Variants in TAC3 observed in about 807,000 individuals in gnomAD.
The protein encoded by TAC3 is tachykinin precursor 3, also known as tachykinin-3.
In TAC3, 9 loss-of-function variants were observed where a neutral mutation model predicts 16.5. The observed-to-expected ratio is 0.55, with a 90% CI of 0.33 to 0.95. The LOEUF (loss-of-function observed/expected upper bound fraction) is 0.95. TAC3 is among the 40% of genes least tolerant of loss of function. The probability of loss-of-function intolerance (pLI) is 0.03; values close to 1 mark genes in which losing one functional copy is unlikely to be tolerated. For synonymous variants in TAC3, 52 were observed against 56.7 expected, an observed-to-expected ratio of 0.92 and a Z score of 0.37; for missense variants, 129 against 149.1, an observed-to-expected ratio of 0.87 and a Z score of 0.70.
At position 57,013,581 on chromosome 12, in the gene TAC3, T is replaced by C; in HGVS notation, c.205A>G (p.Thr69Ala). The C allele has an allele frequency of 6.2e-7, 1 of 1,613,300 alleles. No individual in the cohort carries two copies. Residue 69 changes from threonine to alanine, a missense_variant, in exon 3 of 7, where the codon ACA (threonine) becomes GCA (alanine). Transcript: ENST00000458521. ...GLLKALSQAS[T>A]DPKESTSPEK... ...CTCCCCTAGGGCCGCCTCCTACCTG[T>C]GCTAGCCTGGCTCAGGGCTTTGAGC...
At chr12:57,015,621 G>C (rs1334051586) in intron 2 of TAC3, 63 bp downstream of exon 2, 1 of 1,477,072 alleles carries the variant, frequency 6.8e-7, no homozygotes, top group African/African-American at 1.4e-5. Context: ...CACTACAGCT[G>C]TCCAGACAGG....
At chr12:57,010,556 T>C (rs762228379) in intron 6 of TAC3, among the ~76,000 whole-genome samples, 2 of 152,144 alleles carry the variant, frequency 1.3e-5, no homozygotes, top group Non-Finnish European at 2.9e-5. Context: ...GTGGGGCCCA[T>C]GTGGACCAAA....
At position 57,013,387 on chromosome 12, in the gene TAC3, A is replaced by G; in HGVS notation, c.210T>C (p.Asp70=). The G allele has an allele frequency of 6.2e-7, 1 of 1,614,056 alleles. No homozygotes were observed. Among genetic ancestry groups the G allele is most frequent in the Non-Finnish European group, 8.5e-7 (1 of 1,179,958 alleles). ...TCTCGGGAGATGTTGATTCCTTAGG[A>G]TCTGTGAAACCAAGAACAGATGTCT... ...LLKALSQAST[D]PKESTSPEKR... is the part of the protein sequence containing the mutation. The change falls in exon 4 of 7, where the codon GAT becomes GAC. Residue 70 remains aspartate (D), a splice_region_variant and synonymous_variant. Coordinates refer to ENST00000458521, the MANE Select transcript of TAC3 (RefSeq NM_013251.4).
At chr12:57,016,279 TC>T (rs1956373382) in intron 1 of TAC3, 107 bp downstream of exon 1, 1 of 357,438 alleles carries the variant, frequency 2.8e-6, no homozygotes, top group African/African-American at 2.1e-5. Context: ...ACCTTCCCAG[TC>T]CCCTGCTCCC....
intron 6 of TAC3, chr12:57,010,679 T>C (rs1248382501): frequency 6.4e-6 from 1 of 156,642 alleles, no homozygotes; most frequent in Non-Finnish European, 1.4e-5. Context: ...CAGTTCCTCC[T>C]CTTCCCAGAA....
Position 57,012,447 on chromosome 12 carries a change from G to A in TAC3, c.298C>T (p.Pro100Ser), listed in dbSNP as rs771455996. The A allele has an allele frequency of 1.2e-6, 2 of 1,614,094 alleles. No individual in the cohort carries two copies. The highest frequency in any genetic ancestry group is 1.7e-6 in the Non-Finnish European group (2 of 1,180,014). ...ACGTTCTCTTGATTCACATCCGTAG[G>A]AGAGTCTAGGGTAAAGCGAACAGTG... ...MGKRSVQPDS[P>S]TDVNQENVPS... is the part of the protein sequence containing the mutation. The change falls in exon 6 of 7, where the codon CCT (proline) becomes TCT (serine). Residue 100 changes from proline to serine, a missense_variant. By Grantham distance (74) the Pro-to-Ser change is moderately conservative. Transcript: ENST00000458521.
In TAC3 at chr12:57,010,032, T is replaced by C; in HGVS notation, c.*258A>G. The C allele has an allele frequency of 2.3e-6, 1 of 440,798 alleles. No homozygotes were observed. The highest frequency in any genetic ancestry group is 1.6e-5 in the South Asian group (1 of 63,084). 27.3% of individuals were successfully genotyped at this position (440,798 alleles called of 1,614,324 possible). A position where few individuals can be genotyped will look rare whatever the true frequency, so the allele number is the denominator to read the frequency against. The stretch of plus-strand genomic sequence containing the variant: ...GCAAAAATCCTTTATTGTTGAGGAA[T>C]AGAGAGAGACATTATATTTTTAATG... On this transcript the variant is annotated 3_prime_UTR_variant, in exon 7 of 7. Transcript: ENST00000458521.
chr12:57,010,240 C>T lies in TAC3; in HGVS notation c.*50G>A, dbSNP rs1435537188. The T allele has an allele frequency of 2.2e-6, 1 of 453,738 alleles. No individual in the cohort carries two copies. Among genetic ancestry groups the T allele is most frequent in the East Asian group, 7.0e-5 (1 of 14,384 alleles). The allele number at this position is 453,738 out of a possible 1,614,324, so 28.1% of individuals were successfully genotyped here. On this transcript the variant is annotated 3_prime_UTR_variant, in exon 7 of 7. Transcript: ENST00000458521. The stretch of plus-strand genomic sequence containing the variant: ...GAGCGTGCGCACCTGGGGATTGGGA[C>T]AGGGAAAGAGGTCTTCCTAATGCAG...
chr12:57,013,381 C>T lies in TAC3; in HGVS notation c.216G>A (p.Lys72=), dbSNP rs753875088. The T allele has an allele frequency of 6.2e-7, 1 of 1,614,078 alleles. No homozygotes were observed. The highest frequency in any genetic ancestry group is 2.2e-5 in the East Asian group (1 of 44,884). ...TACGTTTCTCGGGAGATGTTGATTC[C>T]TTAGGATCTGTGAAACCAAGAACAG... ...KALSQASTDP[K]ESTSPEKRDM... is the part of the protein sequence containing the mutation. The change falls in exon 4 of 7, where the codon AAG becomes AAA. Residue 72 remains lysine, a synonymous_variant. Transcript: ENST00000458521.
chr12:57,013,737 C>A lies in TAC3; in HGVS notation c.115-66G>T, dbSNP rs533736069. The A allele has an allele frequency of 8.5e-6, 11 of 1,299,566 alleles. No homozygotes were observed. The South Asian group carries it at 1.3e-4, about 15-fold the overall frequency. The allele number at this position is 1,299,566 out of a possible 1,614,324, so 80.5% of individuals were successfully genotyped here. A position where few individuals can be genotyped will look rare whatever the true frequency, so the allele number is the denominator to read the frequency against. On this transcript the variant is annotated intron_variant, in intron 2 of 6. Coordinates refer to ENST00000458521, the MANE Select transcript of TAC3 (RefSeq NM_013251.4). ...CCCGGATCCACTCATCCTTTTCCCA[C>A]AAGAAACAGCCTCTTCCTGAGCCCA...
intron 2 of TAC3, among the ~76,000 whole-genome samples, chr12:57,014,418 T>A (rs1956345297): frequency 6.6e-6 from 1 of 151,994 alleles, no homozygotes; most frequent in African/African-American, 2.4e-5. Context: ...CACACAGAAG[T>A]GCATTTACAC....
chr12:57,013,003 TCA>T (rs1167216966), intron 4 of TAC3, 128 bp from the exon 5 acceptor site: 10 of 1,211,358 alleles, frequency 8.3e-6, no homozygotes, highest in African/African-American at 1.5e-5. Context: ...GCATGACTCC[TCA>T]CAGTTAGCAA....
At chr12:57,012,073 G>A in intron 6 of TAC3, 2 of 411,706 alleles carry the variant, frequency 4.9e-6, no homozygotes, top group South Asian at 5.1e-5. Context: ...AAAGAATGAA[G>A]TCCAAACAAC....
intron 6 of TAC3, among the ~76,000 whole-genome samples, chr12:57,011,283 T>C (rs1475538317): frequency 6.6e-6 from 1 of 151,988 alleles, no homozygotes; most frequent in East Asian, 1.9e-4. Context: ...TTGAGACCAG[T>C]GAGTATGGGT....
intron 2 of TAC3, among the ~76,000 whole-genome samples, chr12:57,015,233 TAAA>T (rs1049188966): frequency 1.3e-5 from 2 of 152,040 alleles, no homozygotes; most frequent in Admixed American, 1.3e-4. Flanking sequence ...ATTTTGAAAA[TAAA>T]ACAATACACA....
chr12:57,015,592 C>A (rs1201164508), intron 2 of TAC3, 92 bp downstream of exon 2: 27 of 1,154,178 alleles, frequency 2.3e-5, no homozygotes, highest in South Asian at 2.0e-4. Flanking sequence ...GACGGACAAC[C>A]CCCCCACCCC....
intron 1 of TAC3, among the ~76,000 whole-genome samples, 196 bp downstream of exon 1, chr12:57,016,191 T>C (rs1956371493): frequency 6.6e-6 from 1 of 152,158 alleles, no homozygotes; most frequent in South Asian, 2.1e-4. Context: ...GCAAAAACTT[T>C]CTGGTATGAA....
At chr12:57,012,078 A>G (rs781330219) in intron 6 of TAC3, 37 of 423,770 alleles carry the variant, frequency 8.7e-5, no homozygotes, top group Non-Finnish European at 1.4e-4. Flanking sequence ...ATGAAGTCCA[A>G]ACAACAGAAA....
chr12:57,014,476 G>A (rs1181962827), intron 2 of TAC3, among the ~76,000 whole-genome samples: 3 of 152,142 alleles, frequency 2.0e-5, no homozygotes, highest in African/African-American at 4.8e-5. Flanking sequence ...GCACACCTAT[G>A]TACTACCCTC....
Sources: allele counts gnomAD v4.1 joint callset (sites outside exome capture counted in the v4.1 genomes callset), GRCh38; gene constraint gnomAD v4.1.1; transcripts MANE v1.5; gene names NCBI Gene and HGNC (gene_info 2026-07-23, HGNC 2026-07-21).